The following GPHN variants were observed in gnomAD, a reference collection of about 807,000 sequenced individuals.
GPHN encodes the protein gephyrin.
In GPHN, 17 loss-of-function variants were observed where a neutral mutation model predicts 95.5. The observed-to-expected ratio is 0.18, with a 90% CI of 0.12 to 0.27. GPHN has a LOEUF of 0.27. GPHN is among the 10% of genes least tolerant of loss of function. The pLI, the probability that GPHN is intolerant of heterozygous loss-of-function variation, is 1.00. For synonymous variants in GPHN, 320 were observed against 322.5 expected, an observed-to-expected ratio of 0.99 and a Z score of 0.08; for missense variants, 660 against 978.1, an observed-to-expected ratio of 0.67 and a Z score of 4.34.
chr14:66,669,021 C>T lies in GPHN; in HGVS notation c.65-12086C>T, dbSNP rs2066141163. Reference sequence around the variant, plus strand: ...TCAGCCTCCTGAGTAGCAGGGATTACAGGCAGGGTTTGGCTATGTTAGCTA... The same window carrying T: ...TCAGCCTCCTGAGTAGCAGGGATTATAGGCAGGGTTTGGCTATGTTAGCTA... On this transcript the variant is annotated intron_variant, in intron 1 of 22. Coordinates refer to ENST00000478722, the MANE Select transcript of GPHN (RefSeq NM_020806.5). Among the ~76,000 whole-genome samples, 3 of 151,590 alleles carry T rather than the reference C, an allele frequency of 2.0e-5. 1 individual carries two copies. The South Asian group carries it at 6.3e-4, about 32-fold the overall frequency.
the GPHN span, chr14:67,577,319 C>T: frequency 6.4e-7 from 1 of 1,572,192 alleles, no homozygotes; most frequent in Non-Finnish European, 8.6e-7. Flanking sequence ...GCTCTGGAGG[C>T]ACCCCATGCT....
chr14:67,406,133 C>T, the GPHN span, among the ~76,000 whole-genome samples: 1 of 151,890 alleles, frequency 6.6e-6, no homozygotes, highest in East Asian at 1.9e-4. Context: ...GTGGTGGGTG[C>T]CTGTAGTCCC....
At chr14:66,940,485 A>G (rs1204289223) in intron 8 of GPHN, among the ~76,000 whole-genome samples, 1 of 152,152 alleles carries the variant, frequency 6.6e-6, no homozygotes, top group East Asian at 1.9e-4. Context: ...TAGGTTTTAA[A>G]GTGGCTTTCA....
At chr14:67,320,217 T>C in the GPHN span, 1 of 1,601,168 alleles carries the variant, frequency 6.2e-7, no homozygotes, top group Non-Finnish European at 8.5e-7. Context: ...AGCTTAACTT[T>C]TTTTTCCCAA....
intron 1 of GPHN, among the ~76,000 whole-genome samples, chr14:66,638,104 C>T (rs2064199712): frequency 6.6e-6 from 1 of 151,858 alleles, no homozygotes; most frequent in Non-Finnish European, 1.5e-5. Context: ...CTTGTATTTC[C>T]TCCATCTTGA....
chr14:67,402,737 A>C, the GPHN span, among the ~76,000 whole-genome samples: 1 of 152,128 alleles, frequency 6.6e-6, no homozygotes, highest in African/African-American at 2.4e-5. Context: ...TTCCATCCAC[A>C]TTGTTGCAAA....
the GPHN span, among the ~76,000 whole-genome samples, chr14:67,247,297 TA>T: frequency 6.6e-6 from 1 of 152,204 alleles, no homozygotes; most frequent in Non-Finnish European, 1.5e-5. Flanking sequence ...AATGGTAATC[TA>T]AAAAAATCAG....
chr14:67,244,232 G>A, the GPHN span, among the ~76,000 whole-genome samples: 2 of 152,180 alleles, frequency 1.3e-5, no homozygotes, highest in African/African-American at 4.8e-5. Context: ...TTGAGCGCAT[G>A]TGTGGACGCT....
the GPHN span, among the ~76,000 whole-genome samples, chr14:67,694,692 T>C: frequency 2.6e-5 from 4 of 151,600 alleles, no homozygotes; most frequent in Admixed American, 1.3e-4. Context: ...GAGAACTGAG[T>C]GTTCAGAAGG....
chr14:67,278,798 A>G, the GPHN span, among the ~76,000 whole-genome samples: 1 of 152,186 alleles, frequency 6.6e-6, no homozygotes, highest in South Asian at 2.1e-4. Flanking sequence ...TTAAAATTGA[A>G]TAGTATGTTT....
At chr14:67,644,709 A>T in the GPHN span, among the ~76,000 whole-genome samples, 2 of 152,178 alleles carry the variant, frequency 1.3e-5, no homozygotes, top group Non-Finnish European at 2.9e-5. Flanking sequence ...TTAAGATCTT[A>T]TATTTGAGGC....
chr14:67,504,355 C>T, the GPHN span, among the ~76,000 whole-genome samples: 1 of 152,314 alleles, frequency 6.6e-6, no homozygotes, highest in Admixed American at 6.5e-5. Context: ...GTACGTTCCT[C>T]ATGAGGATTA....
chr14:66,837,759 G>A (rs1458841968), intron 4 of GPHN, among the ~76,000 whole-genome samples: 2 of 151,426 alleles, frequency 1.3e-5, no homozygotes, highest in Admixed American at 1.3e-4. Flanking sequence ...TGAGAATAAG[G>A]CAAAAACAAA....
chr14:67,729,488 C>T, the GPHN span: 3 of 1,149,046 alleles, frequency 2.6e-6, no homozygotes, highest in Non-Finnish European at 3.8e-6. Context: ...TGATGCAATC[C>T]AGGTTTGGGT....
the GPHN span, chr14:67,241,312 T>C: frequency 6.6e-6 from 1 of 152,502 alleles, no homozygotes; most frequent in Non-Finnish European, 1.5e-5. Flanking sequence ...CAGGGGCCGG[T>C]CTCGCGCGGT....
At chr14:66,859,161 T>G (rs1264241152) in intron 4 of GPHN, among the ~76,000 whole-genome samples, 1 of 152,122 alleles carries the variant, frequency 6.6e-6, no homozygotes, top group Non-Finnish European at 1.5e-5. Context: ...TGATTGAACA[T>G]AGACAGCAGC....
intron 10 of GPHN, among the ~76,000 whole-genome samples, chr14:67,036,205 G>T (rs1428376244): frequency 6.6e-6 from 1 of 150,752 alleles, no homozygotes; most frequent in African/African-American, 2.4e-5. Context: ...CAGCAAACTA[G>T]AAACAGAAGG....
the GPHN span, chr14:67,336,420 T>G: frequency 4.8e-6 from 1 of 209,014 alleles, no homozygotes; most frequent in Non-Finnish European, 9.8e-6. Flanking sequence ...AATGCTAAAC[T>G]ATAAAGTCAT....
At chr14:66,961,900 G>GTATATATATATATATGTGTATATATA (rs2068930764) in intron 8 of GPHN, among the ~76,000 whole-genome samples, 1 of 52,958 alleles carries the variant, frequency 1.9e-5, no homozygotes, top group African/African-American at 5.4e-5. Context: ...CCCTGAATGT[G>GTATATATATATATATGTGTATATATA]TATATATATA....
Sources: gnomAD v4.1 joint callset for allele counts (sites outside exome capture counted in the v4.1 genomes callset) on GRCh38, gnomAD v4.1.1 for gene constraint, MANE v1.5 for transcripts, NCBI Gene and HGNC (gene_info 2026-07-23, HGNC 2026-07-21) for gene names.